RCAN2: variants seen among roughly 807,000 people sequenced by gnomAD.
RCAN2 encodes the protein regulator of calcineurin 2.
A neutral mutation model predicts 23.6 loss-of-function variants in RCAN2; 9 were observed. The observed-to-expected ratio is 0.38, with a 90% CI of 0.23 to 0.67. RCAN2 has a LOEUF of 0.67. RCAN2 is among the 30% of genes least tolerant of loss of function. The probability of loss-of-function intolerance (pLI) is 0.51; values close to 1 mark genes in which losing one functional copy is unlikely to be tolerated. For synonymous variants in RCAN2, 109 were observed against 115.7 expected, an observed-to-expected ratio of 0.94 and a Z score of 0.37; for missense variants, 273 against 302.3, an observed-to-expected ratio of 0.90 and a Z score of 0.72.
intron 2 of RCAN2, chr6:46,438,641 T>C (rs1190357670): frequency 2.0e-5 from 3 of 152,170 alleles, no homozygotes; most frequent in Non-Finnish European, 4.4e-5. Context: ...GCTCTATACA[T>C]GATAAAATAT....
intron 2 of RCAN2, among the ~76,000 whole-genome samples, chr6:46,284,530 C>T (rs1762305353): frequency 6.6e-6 from 1 of 152,124 alleles, no homozygotes. Flanking sequence ...GCAGGAGCTC[C>T]CCAGGTGACT....
At chr6:46,458,918 T>C (rs536514063) in intron 1 of RCAN2, among the ~76,000 whole-genome samples, 2 of 152,272 alleles carry the variant, frequency 1.3e-5, no homozygotes, top group Admixed American at 1.3e-4. Context: ...TGTGATGGAG[T>C]TTTGCTCTTG....
At chr6:46,225,384 T>A (rs545812413) in intron 4 of RCAN2, among the ~76,000 whole-genome samples, 1 of 152,354 alleles carries the variant, frequency 6.6e-6, no homozygotes, top group South Asian at 2.1e-4. Context: ...GCTGAACTAG[T>A]TTACAGTCCC....
chr6:46,364,016 T>C (rs1231783648), intron 2 of RCAN2, among the ~76,000 whole-genome samples: 3 of 152,150 alleles, frequency 2.0e-5, no homozygotes, highest in African/African-American at 7.2e-5. Flanking sequence ...ATTCACTGAA[T>C]CTTAAATCGC....
chr6:46,345,710 G>C (rs1440959453), intron 2 of RCAN2, among the ~76,000 whole-genome samples: 1 of 152,046 alleles, frequency 6.6e-6, no homozygotes, highest in East Asian at 1.9e-4. Context: ...CTACAGGCTG[G>C]ATAACATGTG....
intron 2 of RCAN2, among the ~76,000 whole-genome samples, chr6:46,372,764 A>G (rs1765355940): frequency 6.6e-6 from 1 of 152,224 alleles, no homozygotes; most frequent in Non-Finnish European, 1.5e-5. Context: ...CCTGCCCCAG[A>G]ATTTCCCTGG....
chr6:46,344,470 A>T (rs190428880), intron 2 of RCAN2, among the ~76,000 whole-genome samples: 3 of 148,386 alleles, frequency 2.0e-5, no homozygotes, highest in Admixed American at 6.8e-5. Flanking sequence ...TTTAAAAATT[A>T]TTAAAAATAC....
chr6:46,457,508 TCA>T (rs1768075398), intron 1 of RCAN2, among the ~76,000 whole-genome samples: 1 of 152,240 alleles, frequency 6.6e-6, no homozygotes, highest in Middle Eastern at 3.4e-3. Flanking sequence ...GCACCAGAGC[TCA>T]CTCTCCTATG....
intron 3 of RCAN2, among the ~76,000 whole-genome samples, chr6:46,248,058 T>G (rs1280220734): frequency 6.6e-6 from 1 of 152,180 alleles, no homozygotes; most frequent in Non-Finnish European, 1.5e-5. Flanking sequence ...GAAACCATAC[T>G]TACAGATCAC....
At position 46,382,941 on chromosome 6, in the gene RCAN2, A is replaced by G. The variant is rs1027829019; in HGVS notation, c.225+73811T>C. Reference sequence around the variant, plus strand: ...AATGGAAGACTCATTGCTCAGCATGATCTTCAAATAGTACAAAGAACCTAT... The same window carrying G: ...AATGGAAGACTCATTGCTCAGCATGGTCTTCAAATAGTACAAAGAACCTAT... On this transcript the variant is annotated intron_variant, in intron 2 of 4. Transcript: ENST00000371374. Among the ~76,000 whole-genome samples the G allele has an allele frequency of 6.6e-5, 10 of 152,306 alleles. No individual in the cohort carries two copies. In the East Asian group the frequency reaches 1.2e-3, roughly 18 times the overall value.
chr6:46,297,237 T>C (rs996133328), intron 2 of RCAN2, among the ~76,000 whole-genome samples: 7 of 152,110 alleles, frequency 4.6e-5, no homozygotes, highest in Non-Finnish European at 8.8e-5. Flanking sequence ...AAGGAGGCTC[T>C]ACAGACACTG....
chr6:46,426,603 C>T (rs1403687864), intron 2 of RCAN2, among the ~76,000 whole-genome samples: 4 of 152,086 alleles, frequency 2.6e-5, no homozygotes, highest in Non-Finnish European at 5.9e-5. Flanking sequence ...AATGAATGAG[C>T]CCTAAATCTT....
intron 2 of RCAN2, among the ~76,000 whole-genome samples, chr6:46,450,996 C>T (rs556369461): frequency 5.7e-4 from 86 of 151,862 alleles, no homozygotes; most frequent in South Asian, 1.5e-3. Flanking sequence ...TTACATAATG[C>T]GTACATATTT....
intron 2 of RCAN2, among the ~76,000 whole-genome samples, chr6:46,419,650 C>A (rs1766816803): frequency 6.6e-6 from 1 of 152,034 alleles, no homozygotes; most frequent in African/African-American, 2.4e-5. Context: ...AATAAAATTA[C>A]AAAATATTTT....
intron 2 of RCAN2, among the ~76,000 whole-genome samples, chr6:46,443,890 C>T (rs1405240777): frequency 6.6e-6 from 1 of 152,200 alleles, no homozygotes; most frequent in Non-Finnish European, 1.5e-5. Context: ...GGGTAATGAA[C>T]TGGACTTAAA....
At chr6:46,301,655 A>T (rs988196006) in intron 2 of RCAN2, among the ~76,000 whole-genome samples, 1 of 152,104 alleles carries the variant, frequency 6.6e-6, no homozygotes, top group Non-Finnish European at 1.5e-5. Context: ...TGGTGAACAT[A>T]TAACAATGGT....
chr6:46,446,868 G>A (rs1767725249), intron 2 of RCAN2, among the ~76,000 whole-genome samples: 1 of 151,986 alleles, frequency 6.6e-6, no homozygotes, highest in Admixed American at 6.6e-5. Flanking sequence ...CAAAGCATAA[G>A]CCACTATAGA....
At chr6:46,380,957 T>C (rs892908764) in intron 2 of RCAN2, among the ~76,000 whole-genome samples, 3 of 152,158 alleles carry the variant, frequency 2.0e-5, no homozygotes, top group Non-Finnish European at 2.9e-5. Context: ...AGTAAACAAA[T>C]TGAAAATGTA....
chr6:46,251,388 G>T (rs970506683), intron 2 of RCAN2, among the ~76,000 whole-genome samples: 2 of 152,202 alleles, frequency 1.3e-5, no homozygotes, highest in Non-Finnish European at 2.9e-5. Context: ...AGTTTGGGAA[G>T]TTTTCAGGAA....
Sources: gnomAD v4.1 joint callset for allele counts (sites outside exome capture counted in the v4.1 genomes callset) on GRCh38, gnomAD v4.1.1 for gene constraint, MANE v1.5 for transcripts, NCBI Gene and HGNC (gene_info 2026-07-23, HGNC 2026-07-21) for gene names.